The following RGS6 variants were observed in gnomAD, a reference collection of about 807,000 sequenced individuals.
RGS6 encodes regulator of G-protein signaling 6.
In RGS6, 30 loss-of-function variants were observed where a neutral mutation model predicts 78.5. That is an observed-to-expected ratio of 0.38 (90% CI 0.29 to 0.52). RGS6 has a LOEUF of 0.52. Among genes scored for constraint, RGS6 ranks in the 20% least tolerant of loss-of-function variants. The probability of loss-of-function intolerance (pLI) is 0.85; values close to 1 mark genes in which losing one functional copy is unlikely to be tolerated. For synonymous variants in RGS6, 206 were observed against 206.0 expected, an observed-to-expected ratio of 1.00 and a Z score of 0.00; for missense variants, 495 against 609.7, an observed-to-expected ratio of 0.81 and a Z score of 1.98.
chr14:72,226,239 G>A (rs1007758764), intron 2 of RGS6, among the ~76,000 whole-genome samples: 12 of 152,140 alleles, frequency 7.9e-5, no homozygotes, highest in African/African-American at 2.9e-4. Context: ...TAGACATTTA[G>A]CAGTTCCTAA....
intron 2 of RGS6, among the ~76,000 whole-genome samples, chr14:72,001,535 C>T (rs943070992): frequency 6.6e-6 from 1 of 150,642 alleles, no homozygotes; most frequent in African/African-American, 2.5e-5. Flanking sequence ...GCAGCAACAA[C>T]AGCAAAAGTC....
chr14:72,388,060 T>C (rs2088809913), intron 3 of RGS6, among the ~76,000 whole-genome samples: 1 of 152,208 alleles, frequency 6.6e-6, no homozygotes, highest in Non-Finnish European at 1.5e-5. Context: ...TCCAGTCACA[T>C]TCTGAGGTAC....
At chr14:72,357,597 C>T (rs574764281) in intron 3 of RGS6, among the ~76,000 whole-genome samples, 60 of 152,276 alleles carry the variant, frequency 3.9e-4, no homozygotes, top group African/African-American at 1.3e-3. Flanking sequence ...TTTGGCCCTG[C>T]CCTAGAGATT....
chr14:72,540,686 C>T, intron 17 of RGS6: 1 of 1,374,762 alleles, frequency 7.3e-7, no homozygotes, highest in East Asian at 4.2e-5. Context: ...CCCCCATCAG[C>T]CTCATGTGCA....
At chr14:72,137,074 A>G (rs1269703523) in intron 2 of RGS6, among the ~76,000 whole-genome samples, 1 of 152,140 alleles carries the variant, frequency 6.6e-6, no homozygotes, top group Non-Finnish European at 1.5e-5. Context: ...CACTCAGATC[A>G]CAGTAGCTCA....
At chr14:72,208,326 T>C (rs2043180125) in intron 2 of RGS6, among the ~76,000 whole-genome samples, 1 of 152,156 alleles carries the variant, frequency 6.6e-6, no homozygotes, top group Non-Finnish European at 1.5e-5. Flanking sequence ...GAGAGAGAAG[T>C]CCTGTCCTGG....
At chr14:72,486,017 G>A (rs967051359) in intron 12 of RGS6, among the ~76,000 whole-genome samples, 1 of 152,182 alleles carries the variant, frequency 6.6e-6, no homozygotes, top group Non-Finnish European at 1.5e-5. Context: ...CCAGTGGGAG[G>A]TAATTGAATC....
intron 2 of RGS6, among the ~76,000 whole-genome samples, chr14:72,029,724 C>A (rs908716025): frequency 1.3e-5 from 2 of 152,100 alleles, no homozygotes; most frequent in African/African-American, 2.4e-5. Flanking sequence ...ATTTTCCTCC[C>A]TTCATTTGGA....
intron 1 of RGS6, among the ~76,000 whole-genome samples, chr14:71,939,929 C>T (rs1435171593): frequency 1.3e-5 from 2 of 152,142 alleles, no homozygotes; most frequent in African/African-American, 2.4e-5. Flanking sequence ...TTTGGGCTTT[C>T]CCCCCATAAT....
At chr14:72,478,196 T>C in intron 11 of RGS6, 72 bp from the exon 12 acceptor site, 1 of 1,082,072 alleles carries the variant, frequency 9.2e-7, no homozygotes, top group Non-Finnish European at 1.4e-6. Flanking sequence ...AATGCAGGAT[T>C]TGGGTTTGTG....
chr14:72,418,773 C>G, intron 3 of RGS6, among the ~76,000 whole-genome samples: 1 of 152,168 alleles, frequency 6.6e-6, no homozygotes, highest in African/African-American at 2.4e-5. Flanking sequence ...GATAAAAAGA[C>G]AAATCTGCTG....
At chr14:72,054,974 C>G (rs907203961) in intron 2 of RGS6, among the ~76,000 whole-genome samples, 1 of 152,178 alleles carries the variant, frequency 6.6e-6, no homozygotes, top group Non-Finnish European at 1.5e-5. Context: ...TGTGCTTATA[C>G]TGCAGTTTTT....
chr14:72,069,128 C>A (rs10145733), intron 2 of RGS6, among the ~76,000 whole-genome samples: 1 of 151,876 alleles, frequency 6.6e-6, no homozygotes, highest in Admixed American at 6.6e-5. Flanking sequence ...CATGCCACCA[C>A]GCCTGGCTAA....
At chr14:72,593,134 T>A in the RGS6 span, among the ~76,000 whole-genome samples, 1 of 152,134 alleles carries the variant, frequency 6.6e-6, no homozygotes, top group Non-Finnish European at 1.5e-5. Context: ...AAGGAAGGAC[T>A]CCTAAGGACC....
At chr14:72,598,605 G>A in the RGS6 span, among the ~76,000 whole-genome samples, 1 of 152,214 alleles carries the variant, frequency 6.6e-6, no homozygotes, top group Non-Finnish European at 1.5e-5. Flanking sequence ...CAGAGAGACA[G>A]GCTTGCCACA....
At chr14:72,183,150 G>T (rs185205167) in intron 2 of RGS6, among the ~76,000 whole-genome samples, 165 of 152,214 alleles carry the variant, frequency 1.1e-3, no homozygotes, top group African/African-American at 3.9e-3. Context: ...TGATAAGGTA[G>T]GCTTACTTTA....
chr14:72,598,008 T>C, the RGS6 span, among the ~76,000 whole-genome samples: 1 of 152,222 alleles, frequency 6.6e-6, no homozygotes, highest in African/African-American at 2.4e-5. Flanking sequence ...TTTCGTGGCC[T>C]TGAGTGGGTG....
At chr14:72,047,997 T>G (rs1250817430) in intron 2 of RGS6, among the ~76,000 whole-genome samples, 2 of 151,098 alleles carry the variant, frequency 1.3e-5, no homozygotes, top group African/African-American at 2.4e-5. Flanking sequence ...GGCATTGCCT[T>G]AAGTGTATGA....
At chr14:72,285,266 A>G (rs1261441811) in intron 2 of RGS6, among the ~76,000 whole-genome samples, 1 of 152,074 alleles carries the variant, frequency 6.6e-6, no homozygotes, top group African/African-American at 2.4e-5. Flanking sequence ...CTGTGTCCCC[A>G]CCCAAATCTC....
Sources: gnomAD v4.1 joint callset for allele counts (sites outside exome capture counted in the v4.1 genomes callset) on GRCh38, gnomAD v4.1.1 for gene constraint, MANE v1.5 for transcripts, NCBI Gene and HGNC (gene_info 2026-07-23, HGNC 2026-07-21) for gene names.